Variants in ADAMTSL3 observed in about 807,000 individuals in gnomAD.
The protein encoded by ADAMTSL3 is ADAMTS like 3, also known as ADAMTS-like protein 3.
Under a neutral mutation model 201.7 loss-of-function variants are expected in ADAMTSL3, and 128 were observed. The ratio of observed to expected loss-of-function variants is 0.63; its 90% confidence interval spans 0.55 to 0.73. The LOEUF is 0.73. Among genes scored for constraint, ADAMTSL3 ranks in the 30% least tolerant of loss-of-function variants. The probability of loss-of-function intolerance (pLI) is 0.00; values close to 1 mark genes in which losing one functional copy is unlikely to be tolerated. For synonymous variants in ADAMTSL3, 738 were observed against 748.4 expected, an observed-to-expected ratio of 0.99 and a Z score of 0.23; for missense variants, 1,990 against 2,119.6, an observed-to-expected ratio of 0.94 and a Z score of 1.20.
intron 2 of ADAMTSL3, among the ~76,000 whole-genome samples, chr15:83,673,966 A>G (rs2061359956): frequency 6.6e-6 from 1 of 151,224 alleles, no homozygotes; most frequent in Non-Finnish European, 1.5e-5. Flanking sequence ...CTTCTTTAAT[A>G]TGAAATGTGT....
At chr15:83,690,718 G>A (rs1056535003) in intron 2 of ADAMTSL3, among the ~76,000 whole-genome samples, 1 of 152,176 alleles carries the variant, frequency 6.6e-6, no homozygotes, top group African/African-American at 2.4e-5. Context: ...GGAGCATGGA[G>A]TGTCTTGTTC....
At chr15:83,781,766 G>A (rs1279120790) in intron 4 of ADAMTSL3, among the ~76,000 whole-genome samples, 4 of 152,106 alleles carry the variant, frequency 2.6e-5, no homozygotes, top group Admixed American at 2.6e-4. Flanking sequence ...AGTGGGCAAA[G>A]GACATGAACA....
chr15:83,704,756 T>G (rs2061824335), intron 3 of ADAMTSL3, among the ~76,000 whole-genome samples: 1 of 152,240 alleles, frequency 6.6e-6, no homozygotes, highest in East Asian at 1.9e-4. Flanking sequence ...ATCAGAAATA[T>G]ATGATGGATT....
chr15:83,857,449 T>G (rs2064762848), intron 7 of ADAMTSL3, among the ~76,000 whole-genome samples: 2 of 152,330 alleles, frequency 1.3e-5, no homozygotes, highest in African/African-American at 4.8e-5. Context: ...CTTTCCACGT[T>G]AGGTCATATA....
Position 83,804,650 on chromosome 15 carries a change from G to A in ADAMTSL3, c.318G>A (p.Arg106=). ...SYSLRRCLTG[R]NCEGQNIRYK... ...CTTTCTTCTTTCTTTTTTCCTTTAG[G>A]AATTGTGAAGGGCAGAACATTCGGT... The change falls in exon 5 of 30, where the codon AGG becomes AGA. Residue 106 remains arginine, a splice_region_variant and synonymous_variant. Transcript: ENST00000286744. 6.4e-7 allele frequency: 1 copy of A among 1,558,314 alleles called. No individual in the cohort carries two copies.
chr15:83,976,219 T>C (rs4354897), intron 20 of ADAMTSL3, among the ~76,000 whole-genome samples: 25,152 of 152,108 alleles, frequency 0.17, 2,720 homozygotes, highest in Middle Eastern at 0.35. Context: ...AATACTCCCA[T>C]TGTAGCTGTT....
At chr15:83,881,758 G>C (rs907627718) in intron 9 of ADAMTSL3, among the ~76,000 whole-genome samples, 2 of 152,152 alleles carry the variant, frequency 1.3e-5, no homozygotes, top group Non-Finnish European at 2.9e-5. Flanking sequence ...AGGAGGCTGA[G>C]GCAAGAGAAT....
chr15:83,930,987 G>A (rs554348538), intron 17 of ADAMTSL3, among the ~76,000 whole-genome samples: 60 of 152,360 alleles, frequency 3.9e-4, no homozygotes, highest in African/African-American at 1.4e-3. Context: ...AAAGGCAAAT[G>A]TATTTGATGT....
At position 83,748,112 on chromosome 15, in the gene ADAMTSL3, C is replaced by T. The variant is rs559033135; in HGVS notation, c.190-25411C>T. Among the ~76,000 whole-genome samples the T allele has an allele frequency of 2.0e-5, 3 of 152,308 alleles. No individual in the cohort carries two copies. The East Asian group carries it at 5.8e-4, about 29-fold the overall frequency. On this transcript the variant is annotated intron_variant, in intron 3 of 29. Transcript: ENST00000286744. ...AATACAAATCAAACTTATTCTCGTT[C>T]ATTCTAAAGGGAGTAGCACATCAAA...
Position 83,865,429 on chromosome 15 carries a change from G to A in ADAMTSL3, c.803-5373G>A, listed in dbSNP as rs145065481. ...CCAAAACAGAGATATAGACCAATGG[G>A]ACAGAACAGAGCCCTCAGAAATAAT... On this transcript the variant is annotated intron_variant, in intron 8 of 29. Coordinates refer to ENST00000286744, the MANE Select transcript of ADAMTSL3 (RefSeq NM_207517.3). Among the ~76,000 whole-genome samples, 1,516 of 152,028 alleles carry A rather than the reference G, an allele frequency of 1.0e-2. 102 individuals carry two copies. The East Asian group carries it at 0.19, about 20-fold the overall frequency.
In ADAMTSL3 at chr15:83,704,325, G is replaced by T; in HGVS notation, c.70-64G>T. On this transcript the variant is annotated intron_variant, in intron 2 of 29. Transcript: ENST00000286744. ...GGATTCTCCTGGAATGGCCTTCTTG[G>T]ACTTTACCTGTCAGGGGGTCCTTAC... The T allele has an allele frequency of 1.9e-6, 3 of 1,609,318 alleles. No homozygotes were observed. The Admixed American group carries it at 5.0e-5, about 27-fold the overall frequency.
intron 19 of ADAMTSL3, among the ~76,000 whole-genome samples, chr15:83,965,867 C>A (rs115101511): frequency 7.3e-4 from 111 of 152,174 alleles, no homozygotes; most frequent in African/African-American, 2.6e-3. Flanking sequence ...TTAGAACTCA[C>A]GATTAAGACA....
Position 83,983,096 on chromosome 15 carries a change from G to T in ADAMTSL3, c.3468G>T (p.Gly1156=). The stretch of plus-strand genomic sequence containing the variant: ...CTGCTCAGCTCAGAGGGGAAACAGG[G>T]AGTGTGTCCCAAAGCTCGCATGCAA... ...PPAAQLRGET[G]SVSQSSHAKN... The change falls in exon 21 of 30, where the codon GGG becomes GGT. Residue 1156 remains glycine, a synonymous_variant. Transcript: ENST00000286744. The T allele has an allele frequency of 6.2e-7, 1 of 1,614,184 alleles. No homozygotes were observed. The highest frequency in any genetic ancestry group is 8.5e-7 in the Non-Finnish European group (1 of 1,180,028).
chr15:83,924,824 C>G (rs767630654), intron 17 of ADAMTSL3, among the ~76,000 whole-genome samples: 2 of 152,058 alleles, frequency 1.3e-5, no homozygotes, highest in African/African-American at 4.8e-5. Context: ...CCCTCTTCTG[C>G]GAGAAGAATT....
At chr15:83,881,347 G>A (rs760303339) in intron 9 of ADAMTSL3, among the ~76,000 whole-genome samples, 76 of 152,308 alleles carry the variant, frequency 5.0e-4, no homozygotes, top group Admixed American at 7.8e-4. Flanking sequence ...GAGCTCTAGT[G>A]TTCGCTTTCC....
chr15:83,763,168 G>A (rs1194624850), intron 3 of ADAMTSL3, among the ~76,000 whole-genome samples: 1 of 152,208 alleles, frequency 6.6e-6, no homozygotes, highest in Non-Finnish European at 1.5e-5. Context: ...TGGGATTACA[G>A]GCATGAGCCA....
intron 3 of ADAMTSL3, among the ~76,000 whole-genome samples, chr15:83,731,320 A>T (rs2062267273): frequency 6.6e-6 from 1 of 152,056 alleles, no homozygotes; most frequent in African/African-American, 2.4e-5. Flanking sequence ...CAGAATCACT[A>T]ATCATCAGGA....
At chr15:84,026,348 CTTA>C (rs2068307625) in intron 27 of ADAMTSL3, among the ~76,000 whole-genome samples, 1 of 152,264 alleles carries the variant, frequency 6.6e-6, no homozygotes, top group African/African-American at 2.4e-5. Flanking sequence ...AGCTGTAAGA[CTTA>C]TTATTACTAG....
At chr15:83,920,064 T>C (rs1394050401) in intron 16 of ADAMTSL3, among the ~76,000 whole-genome samples, 2 of 152,198 alleles carry the variant, frequency 1.3e-5, no homozygotes, top group African/African-American at 4.8e-5. Flanking sequence ...TTATTTAATT[T>C]AAGATATATA....
Sources: gnomAD v4.1 joint callset for allele counts (sites outside exome capture counted in the v4.1 genomes callset) on GRCh38, gnomAD v4.1.1 for gene constraint, MANE v1.5 for transcripts, NCBI Gene and HGNC (gene_info 2026-07-23, HGNC 2026-07-21) for gene names.